CCDC170: variants seen among roughly 807,000 people sequenced by gnomAD.
CCDC170 encodes coiled-coil domain containing 170, also known as coiled-coil domain-containing protein 170.
In CCDC170, 69 loss-of-function variants were observed where a neutral mutation model predicts 72.6. The ratio of observed to expected loss-of-function variants is 0.95; its 90% confidence interval spans 0.78 to 1.16. The LOEUF is 1.16. Among genes scored for constraint, CCDC170 ranks in the 50% most tolerant of loss-of-function variants. The pLI is 0.00. For synonymous variants in CCDC170, 300 were observed against 303.9 expected, an observed-to-expected ratio of 0.99 and a Z score of 0.13; for missense variants, 852 against 832.5, an observed-to-expected ratio of 1.02 and a Z score of -0.29.
chr6:151,523,579 G>A (rs940037693), intron 1 of CCDC170, among the ~76,000 whole-genome samples: 3 of 151,748 alleles, frequency 2.0e-5, no homozygotes, highest in African/African-American at 4.8e-5. Flanking sequence ...CCAGCTACTC[G>A]GGACGCTGAG....
At chr6:151,551,120 C>A (rs1243372254) in intron 5 of CCDC170, among the ~76,000 whole-genome samples, 1 of 152,258 alleles carries the variant, frequency 6.6e-6, no homozygotes, top group Non-Finnish European at 1.5e-5. Context: ...TGATCACCCA[C>A]CCACCATCCA....
intron 1 of CCDC170, among the ~76,000 whole-genome samples, chr6:151,505,549 T>C (rs146128194): frequency 5.4e-4 from 82 of 152,162 alleles, no homozygotes; most frequent in Non-Finnish European, 9.7e-4. Context: ...CCGGGCGTGG[T>C]GGCTGGTGCC....
intron 7 of CCDC170, among the ~76,000 whole-genome samples, chr6:151,590,601 A>C (rs1365214069): frequency 6.6e-6 from 1 of 152,268 alleles, no homozygotes; most frequent in Admixed American, 6.5e-5. Flanking sequence ...AGTAGAATGC[A>C]GTTTCTTATT....
intron 8 of CCDC170, among the ~76,000 whole-genome samples, chr6:151,594,111 TATA>T (rs1307687799): frequency 6.6e-6 from 1 of 152,246 alleles, no homozygotes; most frequent in South Asian, 2.1e-4. Context: ...AGGTATAAAA[TATA>T]ATTATTAGTT....
At chr6:151,549,057 A>G (rs4870037) in intron 5 of CCDC170, among the ~76,000 whole-genome samples, 92,658 of 151,830 alleles carry the variant, frequency 0.61, 30,627 homozygotes, top group Admixed American at 0.72. Context: ...CCACCACCAC[A>G]CCCGGCTAAT....
Position 151,538,143 on chromosome 6 carries a change from ATC to A in CCDC170, c.290_291del (p.Leu97ProfsTer22). 6.2e-7 allele frequency: 1 copy of A among 1,614,090 alleles called. No homozygotes were observed. The highest frequency in any genetic ancestry group is 8.5e-7 in the Non-Finnish European group (1 of 1,179,968). Reference protein sequence around the residue: ...SYKENNARKSSLLTSLRDRVQ... With the variant: ...SYKENNARKSXLLTSLRDRVQ... ...ACAAGGAAAACAATGCCAGAAAATC[ATC>A]TCTCCTTACCTCTTTGAGAGACAGA... is the stretch of plus-strand genomic sequence containing the variant. On this transcript the variant is annotated frameshift_variant, in exon 3 of 11. Coordinates refer to ENST00000239374, the MANE Select transcript of CCDC170 (RefSeq NM_025059.4). LOFTEE classifies it high-confidence loss of function.
intron 6 of CCDC170, among the ~76,000 whole-genome samples, chr6:151,579,025 G>A (rs1003960466): frequency 7.9e-5 from 12 of 151,624 alleles, no homozygotes; most frequent in African/African-American, 2.9e-4. Context: ...ACTATATTGT[G>A]CTTTTTGTTT....
chr6:151,514,341 G>A (rs1421689316), intron 1 of CCDC170, among the ~76,000 whole-genome samples: 1 of 100,650 alleles, frequency 9.9e-6, no homozygotes, highest in Non-Finnish European at 1.9e-5. Context: ...AGGAAGGAGG[G>A]AGGGAGGGAG....
intron 5 of CCDC170, among the ~76,000 whole-genome samples, chr6:151,561,397 T>C (rs1354139408): frequency 6.6e-6 from 1 of 152,144 alleles, no homozygotes; most frequent in African/African-American, 2.4e-5. Flanking sequence ...GAGCATTTCT[T>C]GTAGGTCTGG....
intron 6 of CCDC170, among the ~76,000 whole-genome samples, chr6:151,580,946 A>C (rs953180408): frequency 6.6e-6 from 1 of 152,242 alleles, no homozygotes; most frequent in African/African-American, 2.4e-5. Context: ...TAAGTGTGCA[A>C]TAACCCTATA....
chr6:151,534,843 T>G (rs953947784), intron 1 of CCDC170, among the ~76,000 whole-genome samples: 3 of 152,220 alleles, frequency 2.0e-5, no homozygotes, highest in African/African-American at 7.2e-5. Flanking sequence ...TCTCTGGCAG[T>G]CTTAAATAGA....
chr6:151,621,154 A>T lies in CCDC170; in HGVS notation c.*3007A>T, dbSNP rs1202526586. The stretch of plus-strand genomic sequence containing the variant: ...GTGTTTGTCATTTGGACAAATTGAA[A>T]ACTTTTAATAAAGCCATTTTCTTCT... On this transcript the variant is annotated 3_prime_UTR_variant, in exon 11 of 11. Coordinates refer to ENST00000239374, the MANE Select transcript of CCDC170 (RefSeq NM_025059.4). The T allele has an allele frequency of 6.6e-6, 1 of 152,204 alleles. No homozygotes were observed. Among genetic ancestry groups the T allele is most frequent in the Non-Finnish European group, 1.5e-5 (1 of 68,040 alleles). The allele number at this position is 152,204 out of a possible 1,614,324, so 9.4% of individuals were successfully genotyped here. A position where few individuals can be genotyped will look rare whatever the true frequency, so the allele number is the denominator to read the frequency against.
intron 5 of CCDC170, among the ~76,000 whole-genome samples, chr6:151,558,878 G>GT (rs1386672063): frequency 6.6e-6 from 1 of 151,900 alleles, no homozygotes; most frequent in Non-Finnish European, 1.5e-5. Flanking sequence ...GCTACTTAAG[G>GT]TCTTTTGTGG....
At chr6:151,605,238 T>C (rs1776765816) in intron 9 of CCDC170, among the ~76,000 whole-genome samples, 1 of 152,264 alleles carries the variant, frequency 6.6e-6, no homozygotes, top group African/African-American at 2.4e-5. Context: ...TGCTTTATTA[T>C]GGTAGAATAG....
chr6:151,529,539 C>T (rs559031860), intron 1 of CCDC170, among the ~76,000 whole-genome samples: 1 of 152,242 alleles, frequency 6.6e-6, no homozygotes, highest in Admixed American at 6.5e-5. Flanking sequence ...TGCCTGTAGT[C>T]TCAGCTACTC....
chr6:151,565,743 A>G (rs902888533), intron 5 of CCDC170, among the ~76,000 whole-genome samples: 11 of 152,136 alleles, frequency 7.2e-5, no homozygotes, highest in African/African-American at 2.2e-4. Context: ...GGTTTTTACC[A>G]TATTATTTTA....
chr6:151,596,689 C>T (rs1249527524), intron 9 of CCDC170, 112 bp downstream of exon 9: 8 of 1,433,500 alleles, frequency 5.6e-6, no homozygotes, highest in Middle Eastern at 2.2e-4. Flanking sequence ...ATGAAAGCCT[C>T]CTCTGATTTT....
chr6:151,520,858 C>A (rs1459951157), intron 1 of CCDC170, among the ~76,000 whole-genome samples: 1 of 152,158 alleles, frequency 6.6e-6, no homozygotes, highest in Non-Finnish European at 1.5e-5. Context: ...CCCCACCCAC[C>A]AAGTTATCCT....
chr6:151,568,289 G>T (rs1201536335), intron 5 of CCDC170, among the ~76,000 whole-genome samples: 1 of 152,102 alleles, frequency 6.6e-6, no homozygotes, highest in Non-Finnish European at 1.5e-5. Flanking sequence ...TCCAAGGAGG[G>T]TTTTGTCTGT....
Sources: gnomAD v4.1 joint callset for allele counts (sites outside exome capture counted in the v4.1 genomes callset) on GRCh38, gnomAD v4.1.1 for gene constraint, MANE v1.5 for transcripts, NCBI Gene and HGNC (gene_info 2026-07-23, HGNC 2026-07-21) for gene names.